The following XYLT2 variants were observed in gnomAD, a reference collection of about 807,000 sequenced individuals.
XYLT2 encodes the protein xylosyltransferase 2, also known as UDP-D-xylose:proteoglycan core protein beta-D-xylosyltransferase.
A neutral mutation model predicts 82.6 loss-of-function variants in XYLT2; 37 were observed. The ratio of observed to expected loss-of-function variants is 0.45; its 90% CI spans 0.34 to 0.59. The LOEUF (loss-of-function observed/expected upper bound fraction) is 0.59. Ranked by LOEUF, XYLT2 falls within the 20% of genes least tolerant of loss-of-function variation. The pLI is 0.01. For missense variants in XYLT2, 934 were observed against 1,181.3 expected (o/e 0.79, Z 3.07); for synonymous variants, 474 against 499.0 (o/e 0.95, Z 0.67).
intron 1 of XYLT2, among the ~76,000 whole-genome samples, chr17:50,349,906 G>C (rs1220845426): frequency 6.6e-6 from 1 of 152,188 alleles, no homozygotes; most frequent in East Asian, 1.9e-4. Flanking sequence ...CATTGGGCCA[G>C]GTATGGTGGC....
chr17:50,354,211 AAG>A, intron 2 of XYLT2, 89 bp downstream of exon 2: 2 of 1,575,704 alleles, frequency 1.3e-6, no homozygotes, highest in South Asian at 2.3e-5. Flanking sequence ...CTGAGGAAGA[AAG>A]AGCCAAGGGG....
rs1386152387 is a variant in XYLT2 at position 50,358,332 on chromosome 17, C to A, written c.2067C>A (p.Val689=). The A allele has an allele frequency of 1.4e-5, 22 of 1,614,054 alleles. No homozygotes were observed. Among genetic ancestry groups the A allele is most frequent in the Non-Finnish European group, 1.8e-5 (21 of 1,180,050 alleles). Residue 689 remains valine, a synonymous_variant, in exon 10 of 11, where the codon GTC becomes GTA. Transcript: ENST00000017003. ...GCCCCAACCTCACAGCCACAGTGGTCTGGATCGACCCAACCTATGTGGTGG... is the reference window on the plus strand; with the variant it reads ...GCCCCAACCTCACAGCCACAGTGGTATGGATCGACCCAACCTATGTGGTGG... ...ARGPNLTATV[V]WIDPTYVVAT... is the part of the protein sequence containing the mutation.
intron 1 of XYLT2, among the ~76,000 whole-genome samples, chr17:50,351,434 A>G (rs964478279): frequency 3.9e-5 from 6 of 152,150 alleles, no homozygotes; most frequent in Non-Finnish European, 7.3e-5. Flanking sequence ...CAGGAGTTCA[A>G]GACCAGCCTG....
In XYLT2 at chr17:50,346,782, G is replaced by A. The variant is rs1912061941; in HGVS notation, c.135+507G>A. On this transcript the variant is annotated intron_variant, in intron 1 of 10. Transcript: ENST00000017003. The surrounding 1 kb of genome is among the most constrained non-coding windows in gnomAD (Gnocchi z 5.1). ...AAGGGGAGCTCGGGGGTGGAATTCA[G>A]GCCTGGGACAAAGTGTGTACCCGGG... 1 of 985,422 alleles carries A rather than the reference G, an allele frequency of 1.0e-6. No individual in the cohort carries two copies. Among genetic ancestry groups the A allele is most frequent in the South Asian group, 4.7e-5 (1 of 21,282 alleles). 61.0% of individuals were successfully genotyped at this position (985,422 alleles called of 1,614,324 possible). A position where few individuals can be genotyped will look rare whatever the true frequency, so the allele number is the denominator to read the frequency against.
rs1246172413 is a variant in XYLT2, at chr17:50,360,663, C to A, written c.*372C>A. On this transcript the variant is annotated 3_prime_UTR_variant, in exon 11 of 11. Coordinates refer to ENST00000017003, the MANE Select transcript of XYLT2 (RefSeq NM_022167.4). ...ATGTGCAATAGGGCTCAGAGCAGCCCCAGGAAGTGGGCCATGTCTGTGGGG... is the reference window on the plus strand; with the variant it reads ...ATGTGCAATAGGGCTCAGAGCAGCCACAGGAAGTGGGCCATGTCTGTGGGG... 1.6e-5 allele frequency: 16 copies of A among 1,007,778 alleles called. No homozygotes were observed. In the South Asian group the frequency reaches 6.7e-4, roughly 43 times the overall value. The allele number at this position is 1,007,778 out of a possible 1,614,324, so 62.4% of individuals were successfully genotyped here. A position where few individuals can be genotyped will look rare whatever the true frequency, so the allele number is the denominator to read the frequency against.
chr17:50,348,063 A>C lies in XYLT2; in HGVS notation c.135+1788A>C, dbSNP rs75226779. On this transcript the variant is annotated intron_variant, in intron 1 of 10. Transcript: ENST00000017003. ...CATGCTCAGCTGTCAGTAAATAAAT[A>C]ACTCTTATTATCCCAGCACTGTGCA... is the stretch of plus-strand genomic sequence containing the variant. Among the ~76,000 whole-genome samples the C allele has an allele frequency of 5.7e-3, 873 of 152,330 alleles. 12 individuals are homozygous for C. The highest frequency in any genetic ancestry group is 0.019 in the African/African-American group (803 of 41,556).
rs1043152241 is a variant in XYLT2, at chr17:50,346,334, G to A, written c.135+59G>A. Reference sequence around the variant, plus strand: ...GCGCGGGGGCGCGCGGGGTCCTGGCGGGGCTGCGGGCGGCCCCAGCCGGGG... The same window carrying A: ...GCGCGGGGGCGCGCGGGGTCCTGGCAGGGCTGCGGGCGGCCCCAGCCGGGG... On this transcript the variant is annotated intron_variant, in intron 1 of 10. Transcript: ENST00000017003. This position sits in a 1 kb window ranked among gnomAD's most constrained non-coding sequence, Gnocchi z 5.1. The A allele has an allele frequency of 2.0e-5, 20 of 1,005,670 alleles. No homozygotes were observed. Among genetic ancestry groups the A allele is most frequent in the Non-Finnish European group, 2.1e-5 (18 of 844,620 alleles). The allele number at this position is 1,005,670 out of a possible 1,614,324, so 62.3% of individuals were successfully genotyped here.
rs1370230487 is a variant in XYLT2, at chr17:50,360,562, CTTTTTTTTCTTTTT to C, written c.*280_*293del. The stretch of plus-strand genomic sequence containing the variant: ...TCACCTTCCTGTCTAGTTTGAATTT[CTTTTTTTTCTTTTT>C]TTTTTTTTTTTTTTAATTTAAAAAG... On this transcript the variant is annotated 3_prime_UTR_variant, in exon 11 of 11. Coordinates refer to ENST00000017003, the MANE Select transcript of XYLT2 (RefSeq NM_022167.4). 4 of 1,014,402 alleles carry C rather than the reference CTTTTTTTTCTTTTT, an allele frequency of 3.9e-6. No homozygotes were observed. Among genetic ancestry groups the C allele is most frequent in the Admixed American group, 8.9e-5 (1 of 11,240 alleles). 62.8% of individuals were successfully genotyped at this position (1,014,402 alleles called of 1,614,324 possible). A position where few individuals can be genotyped will look rare whatever the true frequency, so the allele number is the denominator to read the frequency against.
Position 50,346,298 on chromosome 17 carries a change from G to T in XYLT2, c.135+23G>T, listed in dbSNP as rs547027211. 5 of 1,057,630 alleles carry T rather than the reference G, an allele frequency of 4.7e-6. No individual in the cohort carries two copies. Among genetic ancestry groups the T allele is most frequent in the African/African-American group, 3.4e-5 (2 of 58,174 alleles). 65.5% of individuals were successfully genotyped at this position (1,057,630 alleles called of 1,614,324 possible). A position where few individuals can be genotyped will look rare whatever the true frequency, so the allele number is the denominator to read the frequency against. ...GAGGTGCTCCGACGGCCGGGCGGGCGGGCAGGCCGGGCGCGGGGGCGCGCG... is the reference window on the plus strand; with the variant it reads ...GAGGTGCTCCGACGGCCGGGCGGGCTGGCAGGCCGGGCGCGGGGGCGCGCG... On this transcript the variant is annotated intron_variant, in intron 1 of 10. Coordinates refer to ENST00000017003, the MANE Select transcript of XYLT2 (RefSeq NM_022167.4). The surrounding 1 kb of genome is among the most constrained non-coding windows in gnomAD (Gnocchi z 5.1).
rs771984423 is a variant in XYLT2, at chr17:50,353,666, G to T, written c.172G>T (p.Gly58Cys). The T allele has an allele frequency of 6.4e-7, 1 of 1,567,348 alleles. No individual in the cohort carries two copies. The highest frequency in any genetic ancestry group is 8.7e-7 in the Non-Finnish European group (1 of 1,154,910). ...GAGGAAGCCACGGCCACTGGACCCT[G>T]GCGAGGGTTCCAAGGACACAGACAG... is the stretch of plus-strand genomic sequence containing the variant. Reference protein sequence around the residue: ...RQRKPRPLDPGEGSKDTDSSA... With the variant: ...RQRKPRPLDPCEGSKDTDSSA... Residue 58 changes from glycine to cysteine, a missense_variant, in exon 2 of 11, where the codon GGC becomes TGC. Transcript: ENST00000017003.
chr17:50,360,313 T>C lies in XYLT2; in HGVS notation c.*22T>C, dbSNP rs775422546. The C allele has an allele frequency of 1.0e-5, 16 of 1,552,214 alleles. No individual in the cohort carries two copies. Among genetic ancestry groups the C allele is most frequent in the African/African-American group, 1.4e-5 (1 of 73,170 alleles). On this transcript the variant is annotated 3_prime_UTR_variant, in exon 11 of 11. Transcript: ENST00000017003. ...GTAGCAGGGCCCCAGCCAGTACCCG[T>C]GGAGGACCCGGGAAATTGCACCTTA...
intron 9 of XYLT2, 146 bp downstream of exon 9, chr17:50,357,398 T>C: frequency 1.3e-6 from 1 of 777,542 alleles, no homozygotes; most frequent in Non-Finnish European, 2.0e-6. Flanking sequence ...ACATCCTGTG[T>C]CACCCCCCAG....
chr17:50,355,722 G>C (rs1398011414), intron 5 of XYLT2, 59 bp from the exon 6 acceptor site: 1 of 1,600,392 alleles, frequency 6.2e-7, no homozygotes, highest in Admixed American at 1.7e-5. Flanking sequence ...CCAGGCGGGT[G>C]AAAGAGCTTA....
chr17:50,351,176 G>A (rs1472367708), intron 1 of XYLT2, among the ~76,000 whole-genome samples: 4 of 152,212 alleles, frequency 2.6e-5, no homozygotes, highest in Non-Finnish European at 5.9e-5. Context: ...CTGCTGTGAT[G>A]AGAACGGAAT....
intron 1 of XYLT2, among the ~76,000 whole-genome samples, chr17:50,347,470 G>A (rs1431429842): frequency 6.6e-6 from 1 of 152,180 alleles, no homozygotes; most frequent in Non-Finnish European, 1.5e-5. Context: ...TGGGGGCGGG[G>A]GTGGGGCTGG....
Position 50,360,988 on chromosome 17 carries a change from G to A in XYLT2, c.*697G>A, listed in dbSNP as rs910153383. 51 of 985,814 alleles carry A rather than the reference G, an allele frequency of 5.2e-5. No homozygotes were observed. The African/African-American group carries it at 8.2e-4, about 16-fold the overall frequency. 61.1% of individuals were successfully genotyped at this position (985,814 alleles called of 1,614,324 possible). On this transcript the variant is annotated 3_prime_UTR_variant, in exon 11 of 11. Coordinates refer to ENST00000017003, the MANE Select transcript of XYLT2 (RefSeq NM_022167.4). ...GGGAAAGGCAGGGTCAGGGCCCACTGAGACCCATGCAGAGTTTCCAGGTGT... is the reference window on the plus strand; with the variant it reads ...GGGAAAGGCAGGGTCAGGGCCCACTAAGACCCATGCAGAGTTTCCAGGTGT...
At chr17:50,354,197 C>G (rs1912408618) in intron 2 of XYLT2, 75 bp downstream of exon 2, 7 of 1,586,804 alleles carry the variant, frequency 4.4e-6, no homozygotes, top group Admixed American at 1.7e-5. Flanking sequence ...TCACCCCTAT[C>G]TCTCTGAGGA....
At chr17:50,358,661 A>G (rs1912663291) in intron 10 of XYLT2, 121 bp downstream of exon 10, 7 of 1,076,742 alleles carry the variant, frequency 6.5e-6, no homozygotes, top group Middle Eastern at 2.1e-4. Context: ...GGAAGCATGG[A>G]AGGGCTGGGG....
intron 3 of XYLT2, 65 bp from the exon 4 acceptor site, chr17:50,354,789 G>A: frequency 6.3e-7 from 1 of 1,599,032 alleles, no homozygotes; most frequent in Non-Finnish European, 8.5e-7. Context: ...CCTTCACTCT[G>A]TCCTGGGGTG....
Sources: allele counts gnomAD v4.1 joint callset (sites outside exome capture counted in the v4.1 genomes callset), GRCh38; gene constraint gnomAD v4.1.1; non-coding constraint Gnocchi (gnomAD v3.1); transcripts MANE v1.5; gene names NCBI Gene and HGNC (gene_info 2026-07-23, HGNC 2026-07-21).